The following MSTO1 variants were observed in gnomAD, a reference collection of about 807,000 sequenced individuals.
MSTO1 encodes the protein protein misato homolog 1.
Under a neutral mutation model 55.7 loss-of-function variants are expected in MSTO1, and 24 were observed. That is an observed-to-expected ratio of 0.43 (90% CI 0.31 to 0.61). The LOEUF (loss-of-function observed/expected upper bound fraction) is 0.61. Among genes scored for constraint, MSTO1 ranks in the 20% least tolerant of loss-of-function variants. MSTO1 has a pLI of 0.09. For synonymous variants in MSTO1, 162 were observed against 252.8 expected (o/e 0.64, Z 3.41); for missense variants, 363 against 625.7 (o/e 0.58, Z 4.48).
chr1:155,593,830 G>A, the MSTO1 span, among the ~76,000 whole-genome samples: 1 of 152,100 alleles, frequency 6.6e-6, no homozygotes. Context: ...CTAGCCGGGT[G>A]TGGTGGCAGG....
the MSTO1 span, among the ~76,000 whole-genome samples, chr1:155,571,303 C>CT: frequency 2.0e-5 from 3 of 152,102 alleles, no homozygotes; most frequent in South Asian, 2.1e-4. Flanking sequence ...CATTAAGAGC[C>CT]TTTTTTTTCT....
At chr1:155,580,972 A>G in the MSTO1 span, among the ~76,000 whole-genome samples, 2 of 151,838 alleles carry the variant, frequency 1.3e-5, no homozygotes, top group Non-Finnish European at 2.9e-5. Flanking sequence ...AAACAGTTTC[A>G]TCAGAGTAGC....
At chr1:155,568,053 T>A in the MSTO1 span, among the ~76,000 whole-genome samples, 13 of 141,148 alleles carry the variant, frequency 9.2e-5, no homozygotes, top group African/African-American at 3.0e-4. Flanking sequence ...AAAAAAAAAA[T>A]TATTTATTTT....
chr1:155,576,188 G>GT, the MSTO1 span, among the ~76,000 whole-genome samples: 5 of 152,050 alleles, frequency 3.3e-5, no homozygotes, highest in Non-Finnish European at 7.3e-5. Context: ...ATGGAGATAA[G>GT]TTAAGTTCTA....
At chr1:155,574,845 C>T in the MSTO1 span, among the ~76,000 whole-genome samples, 165 of 151,570 alleles carry the variant, frequency 1.1e-3, 1 homozygote, top group African/African-American at 3.1e-3. Flanking sequence ...TGCACAGCCT[C>T]CACTATCTAA....
chr1:155,574,806 A>G, the MSTO1 span, among the ~76,000 whole-genome samples: 2 of 151,478 alleles, frequency 1.3e-5, no homozygotes, highest in Non-Finnish European at 2.9e-5. Flanking sequence ...GGTCTCCGAA[A>G]GTGCTGGGAT....
the MSTO1 span, among the ~76,000 whole-genome samples, chr1:155,603,062 G>GGAGA: frequency 1.3e-5 from 2 of 151,868 alleles, no homozygotes; most frequent in Non-Finnish European, 2.9e-5. Flanking sequence ...AAGCAGAAAT[G>GGAGA]GATTAGAAAG....
the MSTO1 span, among the ~76,000 whole-genome samples, chr1:155,575,814 T>G: frequency 6.7e-6 from 1 of 149,202 alleles, no homozygotes; most frequent in African/African-American, 2.5e-5. Context: ...ATTTATTTAT[T>G]TATTTATTTA....
At position 155,612,984 on chromosome 1, in the gene MSTO1, C is replaced by T. The variant is rs1429753740; in HGVS notation, c.1098+9C>T. ...GCTTCTGTGGGAAAAAGGTATGAAG[C>T]TTTGTAAGGGGTTGGGTCAGTGCTG... is the stretch of plus-strand genomic sequence containing the variant. On this transcript the variant is annotated intron_variant, in intron 10 of 13. Coordinates refer to ENST00000245564, the MANE Select transcript of MSTO1 (RefSeq NM_018116.4). 6.2e-7 allele frequency: 1 copy of T among 1,613,966 alleles called. No individual in the cohort carries two copies.
At chr1:155,569,095 C>A in the MSTO1 span, among the ~76,000 whole-genome samples, 2 of 151,886 alleles carry the variant, frequency 1.3e-5, no homozygotes, top group Non-Finnish European at 2.9e-5. Flanking sequence ...CTCAAATGTT[C>A]CACCTGCCTC....
chr1:155,595,969 G>A, the MSTO1 span, among the ~76,000 whole-genome samples: 481 of 152,186 alleles, frequency 3.2e-3, 22 homozygotes, highest in East Asian at 0.079. Flanking sequence ...CTATTAGACT[G>A]GATATTAATT....
At chr1:155,575,801 TTTATTTA>T in the MSTO1 span, among the ~76,000 whole-genome samples, 83 of 132,558 alleles carry the variant, frequency 6.3e-4, no homozygotes, top group East Asian at 0.012. Context: ...TTTATTTTTA[TTTATTTA>T]TTTATTTATT....
At chr1:155,581,463 G>T in the MSTO1 span, among the ~76,000 whole-genome samples, 13 of 152,020 alleles carry the variant, frequency 8.6e-5, no homozygotes, top group Non-Finnish European at 2.9e-5. Flanking sequence ...GGAGTGCGGT[G>T]GTGTGATCTC....
the MSTO1 span, among the ~76,000 whole-genome samples, chr1:155,596,671 A>G: frequency 1.3e-5 from 2 of 152,048 alleles, no homozygotes. Flanking sequence ...CCTGTAGTCC[A>G]AGCTACTCAA....
the MSTO1 span, chr1:155,563,285 G>A: frequency 2.2e-6 from 1 of 456,162 alleles, no homozygotes. Flanking sequence ...GTCGCAGGCG[G>A]TGTGTGCCGG....
chr1:155,592,829 G>A, the MSTO1 span, among the ~76,000 whole-genome samples: 12 of 151,774 alleles, frequency 7.9e-5, no homozygotes, highest in African/African-American at 1.2e-4. Context: ...TGCTGGGAGC[G>A]AGCCACTGTG....
the MSTO1 span, among the ~76,000 whole-genome samples, chr1:155,590,448 C>G: frequency 2.0e-5 from 3 of 152,098 alleles, no homozygotes; most frequent in Non-Finnish European, 4.4e-5. Flanking sequence ...GAGTCATCTT[C>G]TTGGTTCAGT....
the MSTO1 span, among the ~76,000 whole-genome samples, chr1:155,569,042 CG>C: frequency 1.3e-5 from 2 of 151,608 alleles, no homozygotes. Flanking sequence ...TTAGTAGAGC[CG>C]GGGTTTCAGC....
At position 155,611,488 on chromosome 1, in the gene MSTO1, G is replaced by A. The variant is rs760942243; in HGVS notation, c.367-61G>A. 4.4e-5 allele frequency: 71 copies of A among 1,613,736 alleles called. No homozygotes were observed. The East Asian group carries it at 1.2e-3, about 26-fold the overall frequency. On this transcript the variant is annotated intron_variant, in intron 4 of 13. Coordinates refer to ENST00000245564, the MANE Select transcript of MSTO1 (RefSeq NM_018116.4). ...TGTGGCCAGCCAACTCAAGGAGGACGAAGCAACCTTTGCCTCTAAACTGCC... is the reference window on the plus strand; with the variant it reads ...TGTGGCCAGCCAACTCAAGGAGGACAAAGCAACCTTTGCCTCTAAACTGCC...
Sources: allele counts gnomAD v4.1 joint callset (sites outside exome capture counted in the v4.1 genomes callset), GRCh38; gene constraint gnomAD v4.1.1; transcripts MANE v1.5; gene names NCBI Gene and HGNC (gene_info 2026-07-23, HGNC 2026-07-21).